The following ZNF217 variants were observed in gnomAD, a reference collection of about 807,000 sequenced individuals.
ZNF217 encodes the protein zinc finger protein 217.
A neutral mutation model predicts 73.3 loss-of-function variants in ZNF217; 12 were observed. The observed-to-expected ratio is 0.16, with a 90% CI of 0.10 to 0.27. ZNF217 has a LOEUF of 0.27. Ranked by LOEUF, ZNF217 falls within the 10% of genes least tolerant of loss-of-function variation. The pLI, the probability that ZNF217 is intolerant of heterozygous loss-of-function variation, is 1.00. For synonymous variants in ZNF217, 588 were observed against 516.4 expected, an observed-to-expected ratio of 1.14 and a Z score of -1.88; for missense variants, 1,195 against 1,327.8, an observed-to-expected ratio of 0.90 and a Z score of 1.55.
In ZNF217 at chr20:53,582,139, T is replaced by C; in HGVS notation, c.688A>G (p.Ser230Gly). 1 of 1,614,210 alleles carries C rather than the reference T, an allele frequency of 6.2e-7. No homozygotes were observed. Among genetic ancestry groups the C allele is most frequent in the African/African-American group, 1.3e-5 (1 of 75,046 alleles). The change falls in exon 2 of 6, where the codon AGT becomes GGT. Residue 230 changes from serine to glycine, a missense_variant. By Grantham distance (56) the Ser-to-Gly change is moderately conservative. Transcript: ENST00000371471. The surrounding 1 kb of genome is among the most constrained non-coding windows in gnomAD (Gnocchi z 4.8). ...VCGFLFPNKE[S>G]LIEHRKVHTK... ...TGCACCTTGCGGTGCTCAATTAGAC[T>C]TTCTTTATTTGGAAATAGGAAGCCA...
upstream of ZNF217, among the ~76,000 whole-genome samples, chr20:53,594,108 T>G (rs1445225911): frequency 8.1e-6 from 1 of 123,052 alleles, no homozygotes; most frequent in African/African-American, 3.1e-5. Flanking sequence ...CGGGCTCACC[T>G]CGGGCGCGGG....
At position 53,576,652 on chromosome 20, in the gene ZNF217, T is replaced by C. The variant is rs1988284503; in HGVS notation, c.2112A>G (p.Lys704=). The change falls in exon 4 of 6, where the codon AAA becomes AAG. Residue 704 remains lysine, a synonymous_variant. Transcript: ENST00000371471. ...LHNCPAISLS[K]SLIPSITCPF... Reference sequence around the variant, plus strand: ...GACAGGTGATACTTGGAATCAAACTTTTACTCAAAGAAATTGCCGGGCAAT... The same window carrying C: ...GACAGGTGATACTTGGAATCAAACTCTTACTCAAAGAAATTGCCGGGCAAT... 3 of 1,614,042 alleles carry C rather than the reference T, an allele frequency of 1.9e-6. No individual in the cohort carries two copies. The highest frequency in any genetic ancestry group is 1.7e-5 in the Admixed American group (1 of 60,000).
At chr20:53,571,503 C>T (rs542358783) in intron 5 of ZNF217, among the ~76,000 whole-genome samples, 5 of 147,982 alleles carry the variant, frequency 3.4e-5, no homozygotes, top group Non-Finnish European at 7.4e-5. Context: ...CTGGGTTGTT[C>T]AAGTGATTTT....
intron 5 of ZNF217, among the ~76,000 whole-genome samples, chr20:53,570,896 A>T (rs1444127250): frequency 6.6e-6 from 1 of 152,192 alleles, no homozygotes; most frequent in Non-Finnish European, 1.5e-5. Flanking sequence ...CAAACTGCAT[A>T]ATCCATGCCT....
At position 53,586,911 on chromosome 20, in the gene ZNF217, G is replaced by A. The variant is rs1293842935; in HGVS notation, c.-342-3743C>T. Among the ~76,000 whole-genome samples the A allele has an allele frequency of 4.6e-5, 7 of 152,330 alleles. No homozygotes were observed. The East Asian group carries it at 1.3e-3, about 29-fold the overall frequency. ...CTTGACAAAGAACTGGAGGAGAAAA[G>A]CAGGATATTATAATCCAACACTATA... On this transcript the variant is annotated intron_variant, in intron 1 of 5. Transcript: ENST00000371471.
chr20:53,592,315 G>C (rs1258020634), intron 1 of ZNF217, among the ~76,000 whole-genome samples: 1 of 152,030 alleles, frequency 6.6e-6, no homozygotes, highest in Non-Finnish European at 1.5e-5. Flanking sequence ...GATAAACTGA[G>C]GCTCAAGGAA....
At chr20:53,579,342 C>CA (rs1206073844) in intron 2 of ZNF217, among the ~76,000 whole-genome samples, 1 of 152,080 alleles carries the variant, frequency 6.6e-6, no homozygotes, top group Non-Finnish European at 1.5e-5. Context: ...ACCTGTAAGA[C>CA]AGACACCCTT....
chr20:53,579,223 G>GC (rs1432765389), intron 2 of ZNF217, among the ~76,000 whole-genome samples: 8 of 152,112 alleles, frequency 5.3e-5, no homozygotes, highest in Non-Finnish European at 1.5e-5. Context: ...ACACACACCA[G>GC]CCCTCCAAAA....
In ZNF217 at chr20:53,568,003, G is replaced by GT. The variant is rs1987819271; in HGVS notation, c.*1284dup. The GT allele has an allele frequency of 6.6e-6, 1 of 152,598 alleles. No homozygotes were observed. The highest frequency in any genetic ancestry group is 2.4e-5 in the African/African-American group (1 of 41,436). 9.5% of individuals were successfully genotyped at this position (152,598 alleles called of 1,614,324 possible). A position where few individuals can be genotyped will look rare whatever the true frequency, so the allele number is the denominator to read the frequency against. Reference sequence around the variant, plus strand: ...ATGGACAGCATATTAAAGAACAAAAGTTTAAAATATCTAGGAAGCCAGCTG... The same window carrying GT: ...ATGGACAGCATATTAAAGAACAAAAGTTTTAAAATATCTAGGAAGCCAGCTG... On this transcript the variant is annotated 3_prime_UTR_variant, in exon 6 of 6. Coordinates refer to ENST00000371471, the MANE Select transcript of ZNF217 (RefSeq NM_006526.3).
Position 53,585,095 on chromosome 20 carries a change from G to GAAA in ZNF217, c.-342-1930_-342-1928dup, listed in dbSNP as rs748460021. ...CAAAATCAAAGTTCAGTGAGAATTT[G>GAAA]AAAAAAAAAAAAAAAAAAAAAAACT... On this transcript the variant is annotated intron_variant, in intron 1 of 5. Coordinates refer to ENST00000371471, the MANE Select transcript of ZNF217 (RefSeq NM_006526.3). 2.9e-3 allele frequency among the ~76,000 whole-genome samples: 137 copies of GAAA among 46,954 alleles called. 6 individuals are homozygous for GAAA. The highest frequency in any genetic ancestry group is 6.8e-3 in the South Asian group (7 of 1,026). 30.8% of individuals were successfully genotyped at this position (46,954 alleles called of 152,430 possible).
rs778395073 is a variant in ZNF217 at position 53,581,813 on chromosome 20, C to T, written c.1014G>A (p.Lys338=). ...SSEKELGETN[K]GSCAGLSQEK... ...CTTGCGAGAGGCCTGCACAACTGCC[C>T]TTATTTGTTTCTCCAAGCTCCTTCT... Residue 338 remains lysine (K), a synonymous_variant, in exon 2 of 6, where the codon AAG becomes AAA. Coordinates refer to ENST00000371471, the MANE Select transcript of ZNF217 (RefSeq NM_006526.3). This position sits in a 1 kb window ranked among gnomAD's most constrained non-coding sequence, Gnocchi z 4.9. 5 of 1,614,228 alleles carry T rather than the reference C, an allele frequency of 3.1e-6. No homozygotes were observed. In the South Asian group the frequency reaches 5.5e-5, roughly 18 times the overall value.
At chr20:53,585,025 G>A (rs1222985455) in intron 1 of ZNF217, among the ~76,000 whole-genome samples, 1 of 136,532 alleles carries the variant, frequency 7.3e-6, no homozygotes, top group African/African-American at 2.8e-5. Flanking sequence ...GTGGCAATAG[G>A]CAATAGTGGA....
chr20:53,574,135 A>T (rs1210533544), intron 4 of ZNF217, among the ~76,000 whole-genome samples: 5 of 152,148 alleles, frequency 3.3e-5, no homozygotes, highest in African/African-American at 4.8e-5. Flanking sequence ...CTATGTAAAT[A>T]GTTGTTATAC....
intron 4 of ZNF217, among the ~76,000 whole-genome samples, 167 bp from the exon 5 acceptor site, chr20:53,572,020 T>C (rs1568678670): frequency 6.6e-6 from 1 of 152,216 alleles, no homozygotes; most frequent in Non-Finnish European, 1.5e-5. Flanking sequence ...ATTGTTTTTA[T>C]GACACTTGTT....
Position 53,581,879 on chromosome 20 carries a change from C to G in ZNF217, c.948G>C (p.Ser316=). ...CGTTGTCGGTGCTCCCTTCTTGCCC[C>G]GATTCCTTCACTTCTTGGCAAATGG... is the stretch of plus-strand genomic sequence containing the variant. ...KVAICQEVKE[S]GQEGSTDNDD... The change falls in exon 2 of 6, where the codon TCG becomes TCC. Residue 316 remains serine (S), a synonymous_variant. Coordinates refer to ENST00000371471, the MANE Select transcript of ZNF217 (RefSeq NM_006526.3). This position sits in a 1 kb window ranked among gnomAD's most constrained non-coding sequence, Gnocchi z 4.9. 3 of 1,614,234 alleles carry G rather than the reference C, an allele frequency of 1.9e-6. No individual in the cohort carries two copies. The highest frequency in any genetic ancestry group is 1.7e-6 in the Non-Finnish European group (2 of 1,180,040).
intron 2 of ZNF217, among the ~76,000 whole-genome samples, chr20:53,579,864 C>G (rs1157718272): frequency 6.6e-6 from 1 of 152,242 alleles, no homozygotes; most frequent in African/African-American, 2.4e-5. Flanking sequence ...CAAAACAACG[C>G]AGTGGTAGAA....
rs936896725 is a variant in ZNF217, at chr20:53,582,065, T to C, written c.762A>G (p.Pro254=). ...CCCTCGAGGACGGCATTCCTCCTTG[T>C]GGAGAGTCTGTCTGCGCGCTGCTGG... is the stretch of plus-strand genomic sequence containing the variant. ...FGTSSAQTDS[P]QGGMPSSRED... The change falls in exon 2 of 6, where the codon CCA becomes CCG. Residue 254 remains proline (P), a synonymous_variant. Transcript: ENST00000371471. This position sits in a 1 kb window ranked among gnomAD's most constrained non-coding sequence, Gnocchi z 4.8. 6.8e-6 allele frequency: 11 copies of C among 1,614,106 alleles called. No individual in the cohort carries two copies. The highest frequency in any genetic ancestry group is 2.7e-5 in the African/African-American group (2 of 74,942).
chr20:53,583,913 A>G (rs1315441381), intron 1 of ZNF217, among the ~76,000 whole-genome samples: 13 of 152,266 alleles, frequency 8.5e-5, no homozygotes. Context: ...TTCCTAGTCC[A>G]AACAACAAAT....
Position 53,569,135 on chromosome 20 carries a change from C to A in ZNF217, c.*153G>T. Reference sequence around the variant, plus strand: ...ACAACTTTACACAACTGTAGTGTTCCTTGCAGATTCCTCATATGTTTTATG... The same window carrying A: ...ACAACTTTACACAACTGTAGTGTTCATTGCAGATTCCTCATATGTTTTATG... On this transcript the variant is annotated 3_prime_UTR_variant, in exon 6 of 6. Coordinates refer to ENST00000371471, the MANE Select transcript of ZNF217 (RefSeq NM_006526.3). 1 of 1,335,884 alleles carries A rather than the reference C, an allele frequency of 7.5e-7. No homozygotes were observed. The highest frequency in any genetic ancestry group is 9.9e-7 in the Non-Finnish European group (1 of 1,007,204). The allele number at this position is 1,335,884 out of a possible 1,614,324, so 82.8% of individuals were successfully genotyped here.
Sources: allele counts gnomAD v4.1 joint callset (sites outside exome capture counted in the v4.1 genomes callset), GRCh38; gene constraint gnomAD v4.1.1; non-coding constraint Gnocchi (gnomAD v3.1); transcripts MANE v1.5; gene names NCBI Gene and HGNC (gene_info 2026-07-23, HGNC 2026-07-21).